RELN: variants seen among roughly 807,000 people sequenced by gnomAD.
RELN encodes the protein reelin.
RELN carries 108 observed loss-of-function variants against 427.6 expected under a neutral mutation model. That is an observed-to-expected ratio of 0.25 (90% confidence interval 0.22 to 0.30). RELN has a LOEUF of 0.30. Ranked by LOEUF, RELN falls within the 10% of genes least tolerant of loss-of-function variation. The pLI is 1.00. For missense variants in RELN, 3,715 were observed against 4,302.8 expected, an observed-to-expected ratio of 0.86 and a Z score of 3.82; for synonymous variants, 1,524 against 1,513.4, an observed-to-expected ratio of 1.01 and a Z score of -0.16.
chr7:103,616,733 G>T (rs551851761), intron 20 of RELN, among the ~76,000 whole-genome samples: 1 of 151,920 alleles, frequency 6.6e-6, no homozygotes, highest in African/African-American at 2.4e-5. Flanking sequence ...ACATTTAATT[G>T]CCATCTTTCT....
At chr7:103,523,946 G>A (rs893445426) in intron 46 of RELN, among the ~76,000 whole-genome samples, 1 of 152,126 alleles carries the variant, frequency 6.6e-6, no homozygotes, top group Admixed American at 6.5e-5. Flanking sequence ...CAAAGTGCGG[G>A]GATTACAGGC....
rs73405603 is a variant in RELN, at chr7:103,934,842, T to C, written c.227-17657A>G. On this transcript the variant is annotated intron_variant, in intron 1 of 64. Coordinates refer to ENST00000428762, the MANE Select transcript of RELN (RefSeq NM_005045.4). The stretch of plus-strand genomic sequence containing the variant: ...AATGGGAATGGGAATAAGAAGAATG[T>C]TCACCTCATCTGCTCTAGGTGAGAA... Among the ~76,000 whole-genome samples the C allele has an allele frequency of 6.8e-3, 1,041 of 152,302 alleles. 16 individuals carry two copies. The highest frequency in any genetic ancestry group is 0.023 in the African/African-American group (965 of 41,560).
At chr7:103,736,167 T>C (rs1298646548) in intron 6 of RELN, among the ~76,000 whole-genome samples, 2 of 152,184 alleles carry the variant, frequency 1.3e-5, no homozygotes, top group Admixed American at 6.5e-5. Flanking sequence ...AGCTGACTTA[T>C]TCCGAGACAC....
rs926473534 is a variant in RELN at position 103,498,017 on chromosome 7, C to T, written c.8843+60G>A. On this transcript the variant is annotated intron_variant, in intron 54 of 64. Coordinates refer to ENST00000428762, the MANE Select transcript of RELN (RefSeq NM_005045.4). ...GATAATTTCTTCCATACAAGTGTTCCTTGCTTTGGGACCAATTTGCTATGG... is the reference window on the plus strand; with the variant it reads ...GATAATTTCTTCCATACAAGTGTTCTTTGCTTTGGGACCAATTTGCTATGG... The T allele has an allele frequency of 1.5e-5, 24 of 1,604,714 alleles. No individual in the cohort carries two copies. The South Asian group carries it at 2.5e-4, about 17-fold the overall frequency.
intron 7 of RELN, among the ~76,000 whole-genome samples, chr7:103,723,916 C>T (rs1562972485): frequency 1.3e-5 from 2 of 152,148 alleles, no homozygotes; most frequent in Non-Finnish European, 2.9e-5. Flanking sequence ...GCTTAAGAAG[C>T]ATGCTTAAGC....
At chr7:103,974,709 C>T (rs558632723) in intron 1 of RELN, among the ~76,000 whole-genome samples, 3 of 152,232 alleles carry the variant, frequency 2.0e-5, no homozygotes, top group South Asian at 2.1e-4. Context: ...GGAAATTTGT[C>T]GAGTTTCCAT....
intron 24 of RELN, among the ~76,000 whole-genome samples, chr7:103,599,125 C>G (rs553254462): frequency 2.4e-4 from 37 of 152,300 alleles, no homozygotes; most frequent in Non-Finnish European, 5.0e-4. Flanking sequence ...CATTTCATGA[C>G]TAATCACCTT....
intron 2 of RELN, among the ~76,000 whole-genome samples, chr7:103,871,989 C>T (rs1227721003): frequency 1.3e-5 from 2 of 149,430 alleles, no homozygotes; most frequent in East Asian, 1.9e-4. Flanking sequence ...TCACTTATTA[C>T]TTACATTCTA....
chr7:103,906,994 T>C (rs191697765), intron 2 of RELN, among the ~76,000 whole-genome samples: 5 of 152,286 alleles, frequency 3.3e-5, no homozygotes, highest in Admixed American at 3.3e-4. Flanking sequence ...TTTAAGAATC[T>C]GGTAACTGCC....
intron 7 of RELN, among the ~76,000 whole-genome samples, chr7:103,724,759 C>T (rs982851938): frequency 3.3e-5 from 5 of 151,176 alleles, no homozygotes; most frequent in African/African-American, 9.7e-5. Context: ...TACCTTTACC[C>T]ATTTATTTTA....
chr7:103,796,875 C>CAAAAAAAAAAAAAAAAA (rs1310087423), intron 3 of RELN, among the ~76,000 whole-genome samples: 8 of 67,192 alleles, frequency 1.2e-4, no homozygotes, highest in East Asian at 5.7e-4. Flanking sequence ...CTCCATCTCA[C>CAAAAAAAAAAAAAAAAA]AAAAAAAAAA....
At chr7:103,681,995 A>G (rs998985069) in intron 11 of RELN, 121 bp downstream of exon 11, 9 of 988,410 alleles carry the variant, frequency 9.1e-6, no homozygotes, top group South Asian at 5.2e-5. Context: ...CTTGTCTACG[A>G]TAAGAATCAT....
chr7:103,790,912 G>C (rs2116270635), intron 3 of RELN, among the ~76,000 whole-genome samples: 1 of 152,194 alleles, frequency 6.6e-6, no homozygotes, highest in Admixed American at 6.5e-5. Context: ...CAGTGTGCCA[G>C]ATCGCGCCAC....
intron 3 of RELN, among the ~76,000 whole-genome samples, chr7:103,798,387 G>A (rs151041971): frequency 1.2e-4 from 18 of 152,116 alleles, no homozygotes; most frequent in African/African-American, 4.1e-4. Context: ...GTAAAACACT[G>A]GCAATAATGA....
At chr7:103,659,934 G>T (rs1204248819) in intron 12 of RELN, among the ~76,000 whole-genome samples, 1 of 151,990 alleles carries the variant, frequency 6.6e-6, no homozygotes, top group Non-Finnish European at 1.5e-5. Context: ...GAATGAAGAG[G>T]CTTTTACTTG....
chr7:103,585,742 G>C lies in RELN; in HGVS notation c.4145+3854C>G, dbSNP rs561655862. ...AGAATCACCCTGATACCAAAATTAG[G>C]CAAGGGCACAACCAAAAAAGAAAAC... On this transcript the variant is annotated intron_variant, in intron 28 of 64. Coordinates refer to ENST00000428762, the MANE Select transcript of RELN (RefSeq NM_005045.4). 1.2e-3 allele frequency among the ~76,000 whole-genome samples: 186 copies of C among 152,132 alleles called. 1 individual carries two copies. The highest frequency in any genetic ancestry group is 7.9e-3 in the South Asian group (38 of 4,820).
intron 16 of RELN, among the ~76,000 whole-genome samples, chr7:103,647,290 G>A (rs936447355): frequency 2.0e-5 from 3 of 151,830 alleles, no homozygotes; most frequent in Non-Finnish European, 4.4e-5. Flanking sequence ...GTTATGATAT[G>A]ATCTTATACC....
chr7:103,501,906 T>A (rs2117036159), intron 52 of RELN, among the ~76,000 whole-genome samples: 1 of 152,100 alleles, frequency 6.6e-6, no homozygotes, highest in Non-Finnish European at 1.5e-5. Flanking sequence ...AAAGCAACTA[T>A]CTTTCTTTCT....
intron 4 of RELN, among the ~76,000 whole-genome samples, chr7:103,774,319 T>TTTCAATG (rs1563005645): frequency 1.3e-5 from 2 of 151,600 alleles, no homozygotes; most frequent in Non-Finnish European, 2.9e-5. Context: ...AAAAAAATAC[T>TTTCAATG]TTCAATGAAT....
Sources: allele counts gnomAD v4.1 joint callset (sites outside exome capture counted in the v4.1 genomes callset), GRCh38; gene constraint gnomAD v4.1.1; transcripts MANE v1.5; gene names NCBI Gene and HGNC (gene_info 2026-07-23, HGNC 2026-07-21).